RBFOX1: variants seen among roughly 807,000 people sequenced by gnomAD.
RBFOX1 encodes the protein RNA binding protein fox-1 homolog 1.
A neutral mutation model predicts 57.7 loss-of-function variants in RBFOX1; 8 were observed. That is an observed-to-expected ratio of 0.14 (90% CI 0.08 to 0.25). The LOEUF (loss-of-function observed/expected upper bound fraction) is 0.25. Ranked by LOEUF, RBFOX1 falls within the 10% of genes least tolerant of loss-of-function variation. RBFOX1 has a pLI of 1.00. For missense variants in RBFOX1, 611 were observed against 548.5 expected (o/e 1.11, Z -1.14); for synonymous variants, 326 against 222.4 (o/e 1.47, Z -4.15).
intron 4 of RBFOX1, among the ~76,000 whole-genome samples, chr16:7,209,232 G>C (rs534066410): frequency 3.3e-5 from 5 of 151,922 alleles, no homozygotes; most frequent in South Asian, 2.1e-4. Context: ...CTACTTGGGA[G>C]ACTGAGGCAG....
At position 5,522,376 on chromosome 16, in the gene RBFOX1, C is replaced by T. The variant is rs117545097; in HGVS notation, c.258+55122C>T. ...TAGGTCCTGGGGAGCATTGAGGAAACGGTGGAGCATCTGTTTAGGAAGCCA... is the reference window on the plus strand; with the variant it reads ...TAGGTCCTGGGGAGCATTGAGGAAATGGTGGAGCATCTGTTTAGGAAGCCA... On this transcript the variant is annotated intron_variant, in intron 2 of 2. Transcript: ENST00000585867. Among the ~76,000 whole-genome samples the T allele has an allele frequency of 3.6e-3, 550 of 152,290 alleles. 1 individual carries two copies. Among genetic ancestry groups the T allele is most frequent in the Middle Eastern group, 6.8e-3 (2 of 294 alleles).
intron 1 of RBFOX1, among the ~76,000 whole-genome samples, chr16:6,226,402 T>C (rs935546655): frequency 7.5e-5 from 10 of 133,734 alleles, no homozygotes; most frequent in Non-Finnish European, 1.3e-4. Context: ...CAAAAAAATA[T>C]TTCCAATAAA....
intron 2 of RBFOX1, among the ~76,000 whole-genome samples, chr16:6,359,585 T>A (rs2088036012): frequency 6.6e-6 from 1 of 152,192 alleles, no homozygotes; most frequent in African/African-American, 2.4e-5. Context: ...TTGCCACTGG[T>A]GTATGGATAC....
chr16:5,333,799 A>C (rs77869924), intron 1 of RBFOX1, among the ~76,000 whole-genome samples: 5,672 of 152,280 alleles, frequency 0.037, 280 homozygotes, highest in Admixed American at 0.16. Flanking sequence ...TATTTTACTG[A>C]ATCTGGTAGG....
intron 2 of RBFOX1, among the ~76,000 whole-genome samples, chr16:6,646,529 G>T (rs1309150913): frequency 2.0e-5 from 3 of 152,022 alleles, no homozygotes; most frequent in African/African-American, 4.8e-5. Flanking sequence ...TATTGATTTC[G>T]TTAGTTCGTT....
At chr16:7,095,220 T>C (rs534959839) in intron 4 of RBFOX1, among the ~76,000 whole-genome samples, 38 of 152,280 alleles carry the variant, frequency 2.5e-4, no homozygotes, top group African/African-American at 9.1e-4. Flanking sequence ...CACTGCAACC[T>C]CCGCCTCCCA....
chr16:5,810,633 C>T (rs756139897), intron 3 of RBFOX1, among the ~76,000 whole-genome samples: 52 of 152,136 alleles, frequency 3.4e-4, no homozygotes, highest in Non-Finnish European at 1.2e-4. Flanking sequence ...CGTGGAACTC[C>T]TAAACAGCTG....
chr16:5,485,345 C>CAAAAAAAAAAAAAAAA (rs71142624), intron 2 of RBFOX1, among the ~76,000 whole-genome samples: 17 of 51,668 alleles, frequency 3.3e-4, no homozygotes, highest in East Asian at 1.5e-3. Context: ...GACTCCGTGT[C>CAAAAAAAAAAAAAAAA]AAAAAAAAAA....
chr16:5,674,055 C>G (rs922859017), intron 3 of RBFOX1, among the ~76,000 whole-genome samples: 3 of 152,190 alleles, frequency 2.0e-5, no homozygotes, highest in African/African-American at 4.8e-5. Flanking sequence ...TTGAATCATT[C>G]ATTCTTGGTT....
chr16:5,731,230 T>A (rs574403588), intron 3 of RBFOX1, among the ~76,000 whole-genome samples: 2 of 152,170 alleles, frequency 1.3e-5, no homozygotes, highest in African/African-American at 4.8e-5. Context: ...AACACTATCA[T>A]TGTCATCACT....
At chr16:6,634,013 C>G (rs746081502) in intron 2 of RBFOX1, among the ~76,000 whole-genome samples, 9 of 152,096 alleles carry the variant, frequency 5.9e-5, no homozygotes, top group Non-Finnish European at 1.0e-4. Context: ...AAGACCCCAT[C>G]TCAAAGAAAT....
At chr16:7,408,875 G>T (rs546233651) in intron 4 of RBFOX1, among the ~76,000 whole-genome samples, 1 of 146,752 alleles carries the variant, frequency 6.8e-6, no homozygotes, top group East Asian at 2.1e-4. Context: ...ATATTCCCCA[G>T]ATAAGAACCA....
At chr16:6,034,837 G>T (rs1475516052) in intron 1 of RBFOX1, among the ~76,000 whole-genome samples, 1 of 152,070 alleles carries the variant, frequency 6.6e-6, no homozygotes, top group Non-Finnish European at 1.5e-5. Flanking sequence ...TCAGGATGGG[G>T]ATGTGGGGGC....
At chr16:5,319,800 A>G (rs2064350981) in intron 1 of RBFOX1, among the ~76,000 whole-genome samples, 1 of 152,192 alleles carries the variant, frequency 6.6e-6, no homozygotes, top group Non-Finnish European at 1.5e-5. Flanking sequence ...GGCTTTCCAC[A>G]CAGTCATTCA....
chr16:5,387,575 G>A (rs935025394), intron 1 of RBFOX1, among the ~76,000 whole-genome samples: 1 of 152,152 alleles, frequency 6.6e-6, no homozygotes, highest in African/African-American at 2.4e-5. Context: ...ATAAGTGCTT[G>A]GATTTATATT....
At chr16:6,067,615 A>T (rs1313525662) in intron 1 of RBFOX1, among the ~76,000 whole-genome samples, 2 of 152,186 alleles carry the variant, frequency 1.3e-5, no homozygotes, top group African/African-American at 2.4e-5. Context: ...TTGCTTTTCC[A>T]TGAAGGTACA....
At chr16:6,256,450 T>G (rs1409142938) in intron 1 of RBFOX1, among the ~76,000 whole-genome samples, 1 of 151,140 alleles carries the variant, frequency 6.6e-6, no homozygotes, top group Non-Finnish European at 1.5e-5. Flanking sequence ...AGTTCATCCT[T>G]GGAGCCCTGG....
intron 1 of RBFOX1, among the ~76,000 whole-genome samples, chr16:5,401,760 TCTCTCTCCTC>T (rs1029119462): frequency 4.3e-5 from 5 of 115,158 alleles, no homozygotes; most frequent in African/African-American, 1.4e-4. Context: ...TCTCTCCCTG[TCTCTCTCCTC>T]CTCCTCCTCC....
At chr16:6,582,860 C>G (rs1050260069) in intron 2 of RBFOX1, among the ~76,000 whole-genome samples, 1 of 140,176 alleles carries the variant, frequency 7.1e-6, no homozygotes, top group African/African-American at 2.6e-5. Context: ...ACAGAAACAA[C>G]TGAGCTACAG....
Sources: allele counts gnomAD v4.1 joint callset (sites outside exome capture counted in the v4.1 genomes callset), GRCh38; gene constraint gnomAD v4.1.1; transcripts MANE v1.5; gene names NCBI Gene and HGNC (gene_info 2026-07-23, HGNC 2026-07-21).